Variants in RYR2 observed in about 807,000 individuals in gnomAD.
RYR2 encodes the protein cardiac muscle ryanodine receptor-calcium release channel.
Under a neutral mutation model 601.1 loss-of-function variants are expected in RYR2, and 227 were observed. The observed-to-expected ratio is 0.38, with a 90% CI of 0.34 to 0.42. RYR2 has a LOEUF of 0.42. Ranked by LOEUF, RYR2 falls within the 10% of genes least tolerant of loss-of-function variation. The pLI is 1.00. For synonymous variants in RYR2, 2,223 were observed against 2,175.1 expected, an observed-to-expected ratio of 1.02 and a Z score of -0.61; for missense variants, 4,646 against 6,156.5, an observed-to-expected ratio of 0.75 and a Z score of 8.21.
intron 28 of RYR2, among the ~76,000 whole-genome samples, chr1:237,567,113 G>GTAT (rs1672165648): frequency 1.3e-5 from 2 of 152,036 alleles, no homozygotes; most frequent in African/African-American, 4.8e-5. Context: ...TATAATTAGT[G>GTAT]GTTTGTATGA....
intron 1 of RYR2, among the ~76,000 whole-genome samples, chr1:237,131,821 A>G (rs1399006214): frequency 6.6e-6 from 1 of 151,972 alleles, no homozygotes; most frequent in Admixed American, 6.6e-5. Context: ...CCAGGGTTCA[A>G]GTGATCCTCC....
intron 34 of RYR2, 42 bp from the exon 35 acceptor site, chr1:237,601,983 G>A: frequency 3.2e-6 from 5 of 1,544,364 alleles, no homozygotes; most frequent in Non-Finnish European, 4.4e-6. Flanking sequence ...CCCTTGTCTT[G>A]TTTCATTACT....
Position 237,732,087 on chromosome 1 carries a change from G to C in RYR2, c.10977G>C (p.Lys3659Asn). ...CTCCAGAAGAAGATGAAGGCACTAA[G>C]AGAGTTGATCCTCTACATCAGCTGA... ...AEPPEEDEGTKRVDPLHQLIL... is the reference protein window; with the variant it reads ...AEPPEEDEGTNRVDPLHQLIL... The change falls in exon 78 of 105, where the codon AAG becomes AAC. Residue 3659 changes from lysine (K) to asparagine (N), a missense_variant. Around this residue, in one of 17 missense-constraint regions of RYR2, gnomAD observed 1,497 missense variants for 1,842.6 expected, o/e 0.81. Transcript: ENST00000366574. 6.2e-7 allele frequency: 1 copy of C among 1,611,748 alleles called. No homozygotes were observed. The highest frequency in any genetic ancestry group is 8.5e-7 in the Non-Finnish European group (1 of 1,178,428).
chr1:237,451,134 C>A (rs6429014), intron 14 of RYR2, among the ~76,000 whole-genome samples: 78,158 of 151,970 alleles, frequency 0.51, 21,535 homozygotes, highest in East Asian at 0.64. Context: ...TAGTGACTCG[C>A]ACCTATAATC....
intron 2 of RYR2, among the ~76,000 whole-genome samples, chr1:237,318,669 C>G (rs565100417): frequency 6.6e-6 from 1 of 152,198 alleles, no homozygotes; most frequent in East Asian, 1.9e-4. Flanking sequence ...GAAAAGTCAG[C>G]CATTAATCAT....
At chr1:237,726,859 T>A (rs971701402) in intron 75 of RYR2, among the ~76,000 whole-genome samples, 1 of 152,134 alleles carries the variant, frequency 6.6e-6, no homozygotes, top group African/African-American at 2.4e-5. Flanking sequence ...CTAAGGGAAT[T>A]ATATAGCATT....
intron 2 of RYR2, among the ~76,000 whole-genome samples, chr1:237,289,264 C>T (rs10802597): frequency 0.38 from 57,367 of 151,934 alleles, 12,613 homozygotes; most frequent in Admixed American, 0.49. Flanking sequence ...ATTAACAATG[C>T]GAGCCCCCAC....
intron 2 of RYR2, among the ~76,000 whole-genome samples, chr1:237,271,611 GT>G (rs1251582434): frequency 6.6e-6 from 1 of 152,106 alleles, no homozygotes; most frequent in Admixed American, 6.6e-5. Context: ...AAAAGGCATA[GT>G]TTTTCATCTC....
chr1:237,743,655 G>C, intron 80 of RYR2: 1 of 515,358 alleles, frequency 1.9e-6, no homozygotes, highest in South Asian at 1.4e-5. Flanking sequence ...TATTTGTCTG[G>C]GTCTGAGTTT....
intron 76 of RYR2, 69 bp downstream of exon 76, chr1:237,727,268 A>T (rs950856688): frequency 1.4e-6 from 1 of 693,070 alleles, no homozygotes; most frequent in African/African-American, 1.8e-5. Flanking sequence ...GGTGTTTAGA[A>T]TCTACCTTAA....
At chr1:237,659,556 G>C (rs562516616) in intron 54 of RYR2, among the ~76,000 whole-genome samples, 1 of 152,172 alleles carries the variant, frequency 6.6e-6, no homozygotes, top group Admixed American at 6.5e-5. Flanking sequence ...TGCATGTTTT[G>C]TATTTACACT....
intron 3 of RYR2, among the ~76,000 whole-genome samples, 162 bp from the exon 4 acceptor site, chr1:237,355,803 T>C (rs1699243099): frequency 6.6e-6 from 1 of 152,174 alleles, no homozygotes; most frequent in African/African-American, 2.4e-5. Context: ...TGAGATTAAA[T>C]GTTGTTAATG....
intron 22 of RYR2, 60 bp downstream of exon 22, chr1:237,503,565 C>G (rs1664888165): frequency 6.5e-7 from 1 of 1,539,254 alleles, no homozygotes; most frequent in African/African-American, 1.4e-5. Flanking sequence ...TACACAGTGG[C>G]TTTACACTTG....
chr1:237,453,912 A>G (rs781716696), intron 14 of RYR2, among the ~76,000 whole-genome samples: 2 of 152,196 alleles, frequency 1.3e-5, no homozygotes, highest in Non-Finnish European at 2.9e-5. Context: ...TCATAAGCAG[A>G]TTTTCTAAAT....
At chr1:237,716,625 G>T (rs1334786673) in intron 71 of RYR2, among the ~76,000 whole-genome samples, 1 of 152,226 alleles carries the variant, frequency 6.6e-6, no homozygotes, top group East Asian at 1.9e-4. Context: ...AGATCGTCCT[G>T]AATATTTATG....
chr1:237,469,106 G>A lies in RYR2; in HGVS notation c.1627G>A (p.Gly543Arg), dbSNP rs2150301152. The change falls in exon 17 of 105, where the codon GGA (glycine) becomes AGA (arginine). Residue 543 changes from glycine to arginine, a missense_variant. Coordinates refer to ENST00000366574, the MANE Select transcript of RYR2 (RefSeq NM_001035.3). ...TTCTTTTGCAGCGGCTCTAATTAGA[G>A]GAAATCGTAAAAACTGTGCTCAATT... ...LYELLAALIR[G>R]NRKNCAQFSG... 1 of 1,612,958 alleles carries A rather than the reference G, an allele frequency of 6.2e-7. No individual in the cohort carries two copies. Among genetic ancestry groups the A allele is most frequent in the Non-Finnish European group, 8.5e-7 (1 of 1,179,290 alleles).
intron 100 of RYR2, among the ~76,000 whole-genome samples, chr1:237,816,500 C>T (rs983097259): frequency 1.3e-5 from 2 of 152,014 alleles, no homozygotes; most frequent in African/African-American, 4.8e-5. Context: ...ACCAGCCTGG[C>T]CAACATGGTG....
rs1356491070 is a variant in RYR2, at chr1:237,832,536, TC to T, written c.14809-14del. Reference sequence around the variant, plus strand: ...ACTTTGGGGAAAATGTTAATACATTTCCTTGACTTTTGCAGGAATCTTATGT... The same window carrying T: ...ACTTTGGGGAAAATGTTAATACATTTCTTGACTTTTGCAGGAATCTTATGT... On this transcript the variant is annotated splice_polypyrimidine_tract_variant and intron_variant, in intron 104 of 104. Coordinates refer to ENST00000366574, the MANE Select transcript of RYR2 (RefSeq NM_001035.3). 6.4e-7 allele frequency: 1 copy of T among 1,560,244 alleles called. No homozygotes were observed. The highest frequency in any genetic ancestry group is 1.4e-5 in the African/African-American group (1 of 73,834).
chr1:237,321,999 G>A (rs2149528346), intron 2 of RYR2, among the ~76,000 whole-genome samples: 1 of 152,262 alleles, frequency 6.6e-6, no homozygotes, highest in African/African-American at 2.4e-5. Flanking sequence ...TACTCAAAGT[G>A]TATGCTTTTA....
Sources: allele counts gnomAD v4.1 joint callset (sites outside exome capture counted in the v4.1 genomes callset), GRCh38; gene constraint gnomAD v4.1.1; regional missense constraint gnomAD v4.1.1; transcripts MANE v1.5; gene names NCBI Gene and HGNC (gene_info 2026-07-23, HGNC 2026-07-21).